The following RGS7 variants were observed in gnomAD, a reference collection of about 807,000 sequenced individuals.
RGS7 encodes the protein regulator of G protein signaling 7.
Under a neutral mutation model 81.1 loss-of-function variants are expected in RGS7, and 27 were observed. That is an observed-to-expected ratio of 0.33 (90% CI 0.25 to 0.46). The LOEUF is 0.46. RGS7 is among the 20% of genes least tolerant of loss of function. The probability of loss-of-function intolerance (pLI) is 1.00; values close to 1 mark genes in which losing one functional copy is unlikely to be tolerated. For missense variants in RGS7, 396 were observed against 607.4 expected, an observed-to-expected ratio of 0.65 and a Z score of 3.66; for synonymous variants, 208 against 207.7, an observed-to-expected ratio of 1.00 and a Z score of -0.01.
At chr1:241,192,628 T>C (rs952959637) in intron 2 of RGS7, among the ~76,000 whole-genome samples, 1 of 152,172 alleles carries the variant, frequency 6.6e-6, no homozygotes, top group Non-Finnish European at 1.5e-5. Flanking sequence ...AATTTATCCA[T>C]GAAACAAATT....
chr1:241,327,032 A>AGGG (rs1558320484), intron 2 of RGS7, among the ~76,000 whole-genome samples: 1 of 2,656 alleles, frequency 3.8e-4, no homozygotes, highest in African/African-American at 2.2e-3. Context: ...GGAAGGAAGG[A>AGGG]AGGAAGGGAG....
intron 4 of RGS7, among the ~76,000 whole-genome samples, chr1:240,951,951 T>C (rs1679635512): frequency 6.6e-6 from 1 of 151,990 alleles, no homozygotes; most frequent in Non-Finnish European, 1.5e-5. Context: ...CATCAGAAAC[T>C]ATGTGGGCAA....
chr1:241,242,158 G>A (rs867287411), intron 2 of RGS7, among the ~76,000 whole-genome samples: 26 of 151,564 alleles, frequency 1.7e-4, no homozygotes, highest in Admixed American at 3.3e-4. Context: ...AGGCCTTTGC[G>A]TCCTTATAGC....
intron 2 of RGS7, among the ~76,000 whole-genome samples, chr1:241,235,930 G>A (rs902082304): frequency 2.0e-5 from 3 of 147,522 alleles, no homozygotes; most frequent in Admixed American, 6.8e-5. Context: ...GAGAGAGAGA[G>A]AGAAAGACAG....
chr1:241,208,875 C>T (rs1425067808), intron 2 of RGS7, among the ~76,000 whole-genome samples: 5 of 152,146 alleles, frequency 3.3e-5, no homozygotes, highest in African/African-American at 9.7e-5. Context: ...TAAGAGAATG[C>T]TTGACTGTTT....
At chr1:240,919,551 T>C (rs1200172206) in intron 6 of RGS7, 3 of 197,920 alleles carry the variant, frequency 1.5e-5, no homozygotes, top group Non-Finnish European at 3.1e-5. Flanking sequence ...CTTAGCAAAC[T>C]AGAAATATAG....
chr1:240,884,683 C>T lies in RGS7; in HGVS notation c.386-14564G>A, dbSNP rs561764031. Among the ~76,000 whole-genome samples the T allele has an allele frequency of 5.3e-5, 8 of 152,202 alleles. No homozygotes were observed. In the East Asian group the frequency reaches 7.7e-4, roughly 15 times the overall value. Reference sequence around the variant, plus strand: ...AAGATTCCCTATTCAATAAATGGTGCGGGATAACTGGCTAGCCATATGCAG... The same window carrying T: ...AAGATTCCCTATTCAATAAATGGTGTGGGATAACTGGCTAGCCATATGCAG... On this transcript the variant is annotated intron_variant, in intron 6 of 18. Coordinates refer to ENST00000440928, the MANE Select transcript of RGS7 (RefSeq NM_001364886.1).
chr1:241,178,142 A>G (rs1273420752), intron 2 of RGS7, among the ~76,000 whole-genome samples: 1 of 152,058 alleles, frequency 6.6e-6, no homozygotes, highest in Non-Finnish European at 1.5e-5. Context: ...TAGAAAAAAA[A>G]TTAGTTGGGT....
At chr1:240,789,340 G>T (rs1685583361) in intron 18 of RGS7, among the ~76,000 whole-genome samples, 1 of 152,160 alleles carries the variant, frequency 6.6e-6, no homozygotes, top group African/African-American at 2.4e-5. Context: ...TAGAGCATGT[G>T]TGTTTGAACA....
intron 4 of RGS7, among the ~76,000 whole-genome samples, chr1:240,958,958 G>T (rs1365324581): frequency 6.6e-6 from 1 of 152,200 alleles, no homozygotes; most frequent in Non-Finnish European, 1.5e-5. Context: ...AGACAGGCAG[G>T]CACGCTGCTT....
At chr1:241,062,675 C>G (rs530709339) in intron 3 of RGS7, among the ~76,000 whole-genome samples, 3 of 152,140 alleles carry the variant, frequency 2.0e-5, no homozygotes, top group Non-Finnish European at 4.4e-5. Flanking sequence ...AAATGCAATA[C>G]CCCTTTTTTT....
chr1:240,925,187 T>A (rs1018889260), intron 6 of RGS7, among the ~76,000 whole-genome samples: 2 of 152,150 alleles, frequency 1.3e-5, no homozygotes, highest in African/African-American at 2.4e-5. Context: ...GTATATTGCA[T>A]GATACTGAGC....
chr1:240,980,426 G>C (rs539742610), intron 4 of RGS7, among the ~76,000 whole-genome samples: 1 of 152,200 alleles, frequency 6.6e-6, no homozygotes. Flanking sequence ...ACCATCCCTA[G>C]AGATCTTCAA....
chr1:240,873,391 A>G (rs1446358596), intron 6 of RGS7, among the ~76,000 whole-genome samples: 1 of 152,156 alleles, frequency 6.6e-6, no homozygotes, highest in Non-Finnish European at 1.5e-5. Flanking sequence ...GATCATCAGG[A>G]GACAATTTGG....
At chr1:241,088,139 G>A (rs911619096) in intron 3 of RGS7, among the ~76,000 whole-genome samples, 2 of 151,240 alleles carry the variant, frequency 1.3e-5, no homozygotes, top group African/African-American at 4.9e-5. Context: ...TGGGCATAGG[G>A]GAAAAGGAGG....
chr1:240,813,052 T>C (rs1690154142), intron 13 of RGS7, among the ~76,000 whole-genome samples: 1 of 152,204 alleles, frequency 6.6e-6, no homozygotes, highest in Non-Finnish European at 1.5e-5. Context: ...TGTAAAGTGA[T>C]ACGCCATGAT....
chr1:240,965,546 A>T (rs1015198044), intron 4 of RGS7, among the ~76,000 whole-genome samples: 3 of 152,182 alleles, frequency 2.0e-5, no homozygotes, highest in Admixed American at 6.5e-5. Flanking sequence ...ATTTGACAAA[A>T]TCTGCAGGAG....
chr1:240,996,590 T>A (rs1488242690), intron 3 of RGS7, among the ~76,000 whole-genome samples: 1 of 152,216 alleles, frequency 6.6e-6, no homozygotes, highest in Non-Finnish European at 1.5e-5. Context: ...TGGTGACGTC[T>A]GCTTCATATG....
chr1:241,207,760 AG>A (rs2074006891), intron 2 of RGS7, among the ~76,000 whole-genome samples: 1 of 152,210 alleles, frequency 6.6e-6, no homozygotes. Context: ...GTTTGGAAGC[AG>A]TTGTCCATAA....
Sources: gnomAD v4.1 joint callset for allele counts (sites outside exome capture counted in the v4.1 genomes callset) on GRCh38, gnomAD v4.1.1 for gene constraint, MANE v1.5 for transcripts, NCBI Gene and HGNC (gene_info 2026-07-23, HGNC 2026-07-21) for gene names.